APBA2: variants seen among roughly 807,000 people sequenced by gnomAD.
The protein encoded by APBA2 is amyloid beta precursor protein binding family A member 2, also known as amyloid-beta A4 precursor protein-binding family A member 2.
APBA2 carries 30 observed loss-of-function variants against 75.0 expected under a neutral mutation model. The observed-to-expected ratio is 0.40, with a 90% CI of 0.30 to 0.54. The LOEUF is 0.54. APBA2 is among the 20% of genes least tolerant of loss of function. APBA2 has a pLI of 0.49. For synonymous variants in APBA2, 444 were observed against 409.6 expected, an observed-to-expected ratio of 1.08 and a Z score of -1.01; for missense variants, 801 against 1,016.1, an observed-to-expected ratio of 0.79 and a Z score of 2.88.
intron 9 of APBA2, among the ~76,000 whole-genome samples, chr15:29,098,965 T>A (rs2043986453): frequency 6.6e-6 from 1 of 151,900 alleles, no homozygotes; most frequent in African/African-American, 2.4e-5. Flanking sequence ...CATACCCTGA[T>A]ACGGGCACAG....
At chr15:28,934,314 G>A (rs972821496) in intron 2 of APBA2, among the ~76,000 whole-genome samples, 1 of 152,166 alleles carries the variant, frequency 6.6e-6, no homozygotes, top group Non-Finnish European at 1.5e-5. Context: ...ACTCCTGTCT[G>A]CAGGTGAGTG....
intron 8 of APBA2, among the ~76,000 whole-genome samples, chr15:29,095,247 G>A (rs376739333): frequency 5.5e-4 from 83 of 152,236 alleles, no homozygotes; most frequent in African/African-American, 1.7e-3. Flanking sequence ...GACCAACATG[G>A]AGAAACCCCG....
intron 2 of APBA2, among the ~76,000 whole-genome samples, chr15:28,990,050 A>G (rs1205663820): frequency 6.6e-6 from 1 of 152,190 alleles, no homozygotes; most frequent in African/African-American, 2.4e-5. Context: ...TGTCTACCTG[A>G]TGCTGTGGGC....
At chr15:29,050,187 T>G (rs2041527397) in intron 3 of APBA2, among the ~76,000 whole-genome samples, 2 of 152,170 alleles carry the variant, frequency 1.3e-5, no homozygotes, top group Admixed American at 1.3e-4. Context: ...AGTATTAAAA[T>G]GCACATCTGC....
chr15:29,057,450 G>A (rs183350273), intron 4 of APBA2, among the ~76,000 whole-genome samples: 1 of 152,298 alleles, frequency 6.6e-6, no homozygotes, highest in East Asian at 1.9e-4. Context: ...TAGTAAAATA[G>A]AGTTAGAAAA....
At chr15:28,951,130 A>G (rs746042931) in intron 2 of APBA2, among the ~76,000 whole-genome samples, 5 of 152,222 alleles carry the variant, frequency 3.3e-5, no homozygotes, top group Non-Finnish European at 5.9e-5. Context: ...ATCATTCCTT[A>G]AACAATACAG....
chr15:29,011,740 C>T (rs1254759897), intron 3 of APBA2, among the ~76,000 whole-genome samples: 1 of 152,096 alleles, frequency 6.6e-6, no homozygotes, highest in African/African-American at 2.4e-5. Context: ...CTCATAATGT[C>T]TGTGTCTAAT....
chr15:29,022,447 A>G (rs968816765), intron 3 of APBA2, among the ~76,000 whole-genome samples: 4 of 152,106 alleles, frequency 2.6e-5, no homozygotes, highest in Non-Finnish European at 4.4e-5. Context: ...TTTTAGAGTC[A>G]CCTATTTTAC....
At chr15:28,987,725 G>GATATATATATAAATATATATAT (rs1469936230) in intron 2 of APBA2, among the ~76,000 whole-genome samples, 1 of 118,592 alleles carries the variant, frequency 8.4e-6, no homozygotes, top group African/African-American at 4.0e-5. Flanking sequence ...AATATGTGGA[G>GATATATATATAAATATATATAT]AGAGATATAT....
intron 2 of APBA2, among the ~76,000 whole-genome samples, chr15:28,989,687 C>T (rs2038117011): frequency 6.6e-6 from 1 of 152,198 alleles, no homozygotes; most frequent in African/African-American, 2.4e-5. Context: ...ATAGAAGCCT[C>T]ATTTGCTTAG....
At chr15:28,990,958 C>G (rs182679012) in intron 2 of APBA2, among the ~76,000 whole-genome samples, 20 of 152,254 alleles carry the variant, frequency 1.3e-4, no homozygotes, top group Middle Eastern at 6.8e-3. Flanking sequence ...CCAGTTTGTT[C>G]TCAAAACATT....
intron 3 of APBA2, among the ~76,000 whole-genome samples, chr15:29,029,797 GA>G (rs2040396587): frequency 6.6e-6 from 1 of 152,200 alleles, no homozygotes; most frequent in Non-Finnish European, 1.5e-5. Flanking sequence ...CACTGGTCTA[GA>G]GATGCTGTTG....
chr15:28,890,271 A>T (rs1434629502), intron 1 of APBA2, among the ~76,000 whole-genome samples: 1 of 152,200 alleles, frequency 6.6e-6, no homozygotes, highest in Non-Finnish European at 1.5e-5. Context: ...CAGCCCAAAG[A>T]GTGAGCTTTC....
At chr15:29,026,729 A>T (rs8027002) in intron 3 of APBA2, among the ~76,000 whole-genome samples, 6 of 151,452 alleles carry the variant, frequency 4.0e-5, no homozygotes, top group African/African-American at 1.5e-4. Flanking sequence ...CTATCTAACA[A>T]GGTGAAACCC....
intron 14 of APBA2, 79 bp downstream of exon 14, chr15:29,114,095 C>T: frequency 6.3e-7 from 1 of 1,594,664 alleles, no homozygotes; most frequent in Non-Finnish European, 8.6e-7. Context: ...CTCCCCCGCT[C>T]CAGAGGACAC....
At chr15:29,081,363 A>C (rs2043076440) in intron 6 of APBA2, among the ~76,000 whole-genome samples, 1 of 152,280 alleles carries the variant, frequency 6.6e-6, no homozygotes. Context: ...TCCTTTTTCT[A>C]CAAACAAGAT....
intron 4 of APBA2, among the ~76,000 whole-genome samples, chr15:29,066,706 TTGTA>T (rs2042392720): frequency 6.6e-6 from 1 of 152,068 alleles, no homozygotes. Context: ...AGATGGTAAA[TTGTA>T]TGTTATGTAT....
intron 1 of APBA2, among the ~76,000 whole-genome samples, chr15:28,896,576 G>T (rs760157393): frequency 1.3e-5 from 2 of 152,188 alleles, no homozygotes; most frequent in Non-Finnish European, 2.9e-5. Flanking sequence ...ACCGCGCCTG[G>T]CCTCTTTCTT....
chr15:29,004,290 T>C lies in APBA2; in HGVS notation c.-41+8484T>C, dbSNP rs535317783. The stretch of plus-strand genomic sequence containing the variant: ...GATCTCAGTCTTGGAAGTGAAGGTC[T>C]TACCCCTGGTTGCCCCCTTCCTGTG... On this transcript the variant is annotated intron_variant, in intron 3 of 14. Coordinates refer to ENST00000683413, the MANE Select transcript of APBA2 (RefSeq NM_001353788.2). Among the ~76,000 whole-genome samples the C allele has an allele frequency of 7.9e-5, 12 of 152,316 alleles. No individual in the cohort carries two copies. In the East Asian group the frequency reaches 1.2e-3, roughly 15 times the overall value.
Sources: allele counts gnomAD v4.1 joint callset (sites outside exome capture counted in the v4.1 genomes callset), GRCh38; gene constraint gnomAD v4.1.1; transcripts MANE v1.5; gene names NCBI Gene and HGNC (gene_info 2026-07-23, HGNC 2026-07-21).